NOL4L: variants seen among roughly 807,000 people sequenced by gnomAD.
The protein encoded by NOL4L is nucleolar protein 4-like.
NOL4L carries 7 observed loss-of-function variants against 64.5 expected under a neutral mutation model. The observed-to-expected ratio is 0.11, with a 90% CI of 0.06 to 0.20. NOL4L has a LOEUF of 0.20. Among genes scored for constraint, NOL4L ranks in the 10% least tolerant of loss-of-function variants. NOL4L has a pLI of 1.00. For missense variants in NOL4L, 680 were observed against 967.1 expected (o/e 0.70, Z 3.94); for synonymous variants, 413 against 401.0 (o/e 1.03, Z -0.36).
chr20:32,454,373 C>T (rs1737889), intron 6 of NOL4L, among the ~76,000 whole-genome samples: 34,126 of 152,184 alleles, frequency 0.22, 4,095 homozygotes, highest in African/African-American at 0.31. Context: ...CCACCCAGGA[C>T]AGCACAGTGG....
rs192207514 is a variant in NOL4L at position 32,470,527 on chromosome 20, C to T, written c.841+4074G>A. On this transcript the variant is annotated intron_variant, in intron 5 of 10. Coordinates refer to ENST00000621426, the MANE Select transcript of NOL4L (RefSeq NM_001256798.2). ...AAACAGATCATCCCACAGGTGGCGG[C>T]GTAAGTACAGACGGATGTGCTGTTC... Among the ~76,000 whole-genome samples, 226 of 152,366 alleles carry T rather than the reference C, an allele frequency of 1.5e-3. 7 individuals are homozygous for T. Among genetic ancestry groups the T allele is most frequent in the Admixed American group, 0.015 (224 of 15,308 alleles).
intron 1 of NOL4L, among the ~76,000 whole-genome samples, chr20:32,562,273 G>A (rs995893695): frequency 1.3e-5 from 2 of 152,232 alleles, no homozygotes; most frequent in African/African-American, 2.4e-5. Context: ...TCAGGCTTCC[G>A]GCTTCACTGT....
At chr20:32,580,745 C>G (rs1260827330) in intron 1 of NOL4L, among the ~76,000 whole-genome samples, 1 of 152,184 alleles carries the variant, frequency 6.6e-6, no homozygotes, top group Non-Finnish European at 1.5e-5. Context: ...CTCTCTAGGC[C>G]TCAGTTTTCC....
intron 4 of NOL4L, among the ~76,000 whole-genome samples, chr20:32,489,140 T>C (rs1332145039): frequency 6.6e-6 from 1 of 151,178 alleles, no homozygotes; most frequent in East Asian, 1.9e-4. Flanking sequence ...TTTTTTTTCC[T>C]TTAGGGCTTT....
intron 1 of NOL4L, among the ~76,000 whole-genome samples, chr20:32,575,361 C>T (rs912948202): frequency 6.6e-6 from 1 of 152,158 alleles, no homozygotes; most frequent in Admixed American, 6.5e-5. Flanking sequence ...TGGGATCCGT[C>T]GTACAACGCC....
chr20:32,553,552 C>A (rs1303633197), intron 1 of NOL4L, among the ~76,000 whole-genome samples: 2 of 152,186 alleles, frequency 1.3e-5, no homozygotes, highest in Non-Finnish European at 2.9e-5. Flanking sequence ...CCAGCCCTAG[C>A]CCCATTCTCT....
chr20:32,491,583 C>G lies in NOL4L; in HGVS notation c.700-16841G>C, dbSNP rs372194248. Reference sequence around the variant, plus strand: ...GGGATGCATCACTGCCTCACTCGGGCCCCTTCCTGCCCACTGCCAGCACAG... The same window carrying G: ...GGGATGCATCACTGCCTCACTCGGGGCCCTTCCTGCCCACTGCCAGCACAG... On this transcript the variant is annotated intron_variant, in intron 4 of 10. Transcript: ENST00000621426. Among the ~76,000 whole-genome samples, 172 of 152,322 alleles carry G rather than the reference C, an allele frequency of 1.1e-3. No individual in the cohort carries two copies. The Middle Eastern group carries it at 0.014, about 12-fold the overall frequency.
chr20:32,536,351 G>C, intron 1 of NOL4L: 2 of 983,570 alleles, frequency 2.0e-6, no homozygotes, highest in Non-Finnish European at 2.4e-6. Flanking sequence ...AGAGCCCCAG[G>C]TGCGGGCCCC....
chr20:32,453,882 C>A lies in NOL4L; in HGVS notation c.1120-121G>T. On this transcript the variant is annotated intron_variant, in intron 6 of 10. Transcript: ENST00000621426. This position sits in a 1 kb window ranked among gnomAD's most constrained non-coding sequence, Gnocchi z 5.6. The stretch of plus-strand genomic sequence containing the variant: ...ACGCATGCCCTGCTGCCACGAGAGC[C>A]ATAGCTGCGAGGCCCTGAGCAAGTC... 1.1e-6 allele frequency: 1 copy of A among 884,224 alleles called. No individual in the cohort carries two copies. Among genetic ancestry groups the A allele is most frequent in the South Asian group, 1.6e-5 (1 of 60,970 alleles). 54.8% of individuals were successfully genotyped at this position (884,224 alleles called of 1,614,324 possible). A position where few individuals can be genotyped will look rare whatever the true frequency, so the allele number is the denominator to read the frequency against.
chr20:32,447,245 G>C lies in NOL4L; in HGVS notation c.*351C>G. The C allele has an allele frequency of 1.9e-6, 1 of 518,530 alleles. No homozygotes were observed. Among genetic ancestry groups the C allele is most frequent in the Non-Finnish European group, 3.7e-6 (1 of 268,572 alleles). 32.1% of individuals were successfully genotyped at this position (518,530 alleles called of 1,614,324 possible). ...AATTCTGCTCACCTAAGACTTGAAA[G>C]GTAATTATCTGGGGGTGGGATTCTA... On this transcript the variant is annotated 3_prime_UTR_variant, in exon 11 of 11. Transcript: ENST00000621426.
intron 1 of NOL4L, among the ~76,000 whole-genome samples, chr20:32,579,901 C>T (rs1416146255): frequency 6.6e-6 from 1 of 151,854 alleles, no homozygotes; most frequent in Non-Finnish European, 1.5e-5. Context: ...GGCATCCTCC[C>T]TCCTCCCCAC....
intron 4 of NOL4L, among the ~76,000 whole-genome samples, chr20:32,487,098 G>T (rs1479941522): frequency 1.3e-5 from 2 of 151,982 alleles, no homozygotes; most frequent in African/African-American, 4.8e-5. Context: ...GTGAAACCCA[G>T]TCTCTACTAA....
chr20:32,567,449 G>C (rs540014692), intron 1 of NOL4L, among the ~76,000 whole-genome samples: 2 of 152,294 alleles, frequency 1.3e-5, no homozygotes, highest in East Asian at 3.9e-4. Context: ...TCACAGACAA[G>C]GTGCTGAGGG....
At position 32,453,112 on chromosome 20, in the gene NOL4L, C is replaced by T; in HGVS notation, c.1498-106G>A. ...GTGGCACAGGGTGGGGTTTGGGCTCCAGCGCCTCAGTCTATGGAGCTGTGT... is the reference window on the plus strand; with the variant it reads ...GTGGCACAGGGTGGGGTTTGGGCTCTAGCGCCTCAGTCTATGGAGCTGTGT... On this transcript the variant is annotated intron_variant, in intron 8 of 10. Coordinates refer to ENST00000621426, the MANE Select transcript of NOL4L (RefSeq NM_001256798.2). The surrounding 1 kb of genome is among the most constrained non-coding windows in gnomAD (Gnocchi z 5.6). The T allele has an allele frequency of 2.6e-6, 4 of 1,514,446 alleles. No homozygotes were observed. Among genetic ancestry groups the T allele is most frequent in the Non-Finnish European group, 3.6e-6 (4 of 1,115,234 alleles). The allele number at this position is 1,514,446 out of a possible 1,614,324, so 93.8% of individuals were successfully genotyped here. A position where few individuals can be genotyped will look rare whatever the true frequency, so the allele number is the denominator to read the frequency against.
At chr20:32,474,118 G>A (rs1046119043) in intron 5 of NOL4L, among the ~76,000 whole-genome samples, 7 of 152,264 alleles carry the variant, frequency 4.6e-5, no homozygotes, top group Non-Finnish European at 2.9e-5. Context: ...CCAGCCAGCC[G>A]CATCGCATCC....
At chr20:32,513,797 T>C (rs1461857394) in intron 3 of NOL4L, among the ~76,000 whole-genome samples, 2 of 151,840 alleles carry the variant, frequency 1.3e-5, no homozygotes, top group African/African-American at 4.8e-5. Context: ...CCCAGGACGT[T>C]GAGGCAGCAC....
chr20:32,456,522 C>T (rs1389150360), intron 5 of NOL4L, 127 bp from the exon 6 acceptor site: 20 of 954,268 alleles, frequency 2.1e-5, no homozygotes, highest in Non-Finnish European at 2.8e-5. Flanking sequence ...TGCTACCCCA[C>T]CTCAGAGGCA....
At chr20:32,538,797 C>T (rs1568700785) in intron 1 of NOL4L, among the ~76,000 whole-genome samples, 7 of 152,274 alleles carry the variant, frequency 4.6e-5, no homozygotes, top group East Asian at 1.9e-4. Context: ...GCCAGGGCGT[C>T]GCTCCCGTCT....
chr20:32,464,228 G>A lies in NOL4L; in HGVS notation c.842-7833C>T, dbSNP rs946735572. Among the ~76,000 whole-genome samples, 5 of 152,208 alleles carry A rather than the reference G, an allele frequency of 3.3e-5. No individual in the cohort carries two copies. Among genetic ancestry groups the A allele is most frequent in the East Asian group, 1.9e-4 (1 of 5,194 alleles). Reference sequence around the variant, plus strand: ...CCTGCCTGCTTTGACAAAGGCCAGCGCCCAGGCTGTGTTTACACGATGCGT... The same window carrying A: ...CCTGCCTGCTTTGACAAAGGCCAGCACCCAGGCTGTGTTTACACGATGCGT... On this transcript the variant is annotated intron_variant, in intron 5 of 10. Coordinates refer to ENST00000621426, the MANE Select transcript of NOL4L (RefSeq NM_001256798.2). The surrounding 1 kb of genome is among the most constrained non-coding windows in gnomAD (Gnocchi z 5.6).
Sources: gnomAD v4.1 joint callset for allele counts (sites outside exome capture counted in the v4.1 genomes callset) on GRCh38, gnomAD v4.1.1 for gene constraint, Gnocchi (gnomAD v3.1) non-coding constraint, MANE v1.5 for transcripts, NCBI Gene and HGNC (gene_info 2026-07-23, HGNC 2026-07-21) for gene names.